The following ME3 variants were observed in gnomAD, a reference collection of about 807,000 sequenced individuals.
ME3 encodes the protein NADP-dependent malic enzyme, mitochondrial.
In ME3, 48 loss-of-function variants were observed where a neutral mutation model predicts 68.9. The observed-to-expected ratio is 0.70, with a 90% CI of 0.55 to 0.89. The LOEUF is 0.89. Ranked by LOEUF, ME3 falls within the 40% of genes least tolerant of loss-of-function variation. ME3 has a pLI of 0.00. For missense variants in ME3, 675 were observed against 797.4 expected, an observed-to-expected ratio of 0.85 and a Z score of 1.85; for synonymous variants, 320 against 318.8, an observed-to-expected ratio of 1.00 and a Z score of -0.04.
chr11:86,438,514 C>T (rs912224727), downstream of ME3, among the ~76,000 whole-genome samples: 3 of 151,980 alleles, frequency 2.0e-5, no homozygotes, highest in African/African-American at 7.3e-5. Flanking sequence ...GTGTTCCCTC[C>T]CCTATTTTCT....
At chr11:86,457,040 CCT>C (rs1045276958) in intron 8 of ME3, among the ~76,000 whole-genome samples, 14 of 152,306 alleles carry the variant, frequency 9.2e-5, no homozygotes, top group African/African-American at 2.9e-4. Context: ...TGCTTTTCCC[CCT>C]GTTACCATCG....
intron 2 of ME3, among the ~76,000 whole-genome samples, chr11:86,561,552 T>C (rs970773586): frequency 1.3e-5 from 2 of 152,238 alleles, no homozygotes; most frequent in Non-Finnish European, 2.9e-5. Context: ...CAATGTGAAT[T>C]CATTACCACA....
chr11:86,566,711 ACT>A (rs1426562778), intron 2 of ME3, among the ~76,000 whole-genome samples: 2 of 152,126 alleles, frequency 1.3e-5, no homozygotes, highest in Non-Finnish European at 2.9e-5. Context: ...GTTACTTCAC[ACT>A]CTATTGCTTC....
At chr11:86,469,106 CA>C (rs1268985333) in intron 7 of ME3, among the ~76,000 whole-genome samples, 3 of 152,054 alleles carry the variant, frequency 2.0e-5, no homozygotes. Flanking sequence ...TTTCTTTCTC[CA>C]TTGGGAAAGA....
chr11:86,550,850 A>G (rs1956631894), intron 4 of ME3, among the ~76,000 whole-genome samples: 1 of 152,014 alleles, frequency 6.6e-6, no homozygotes. Flanking sequence ...TTTGTTTTCC[A>G]GAGTGGCTTT....
chr11:86,659,516 T>G (rs950346065), intron 2 of ME3, among the ~76,000 whole-genome samples: 2 of 152,220 alleles, frequency 1.3e-5, no homozygotes, highest in Non-Finnish European at 2.9e-5. Context: ...TAAATGCTAG[T>G]CAAGATGACC....
intron 2 of ME3, among the ~76,000 whole-genome samples, chr11:86,653,117 G>C (rs1423303164): frequency 6.6e-6 from 1 of 152,102 alleles, no homozygotes; most frequent in South Asian, 2.1e-4. Context: ...GACCTACAAA[G>C]AGACTTAGAC....
chr11:86,656,810 A>G (rs1945913923), intron 2 of ME3, among the ~76,000 whole-genome samples: 1 of 152,142 alleles, frequency 6.6e-6, no homozygotes, highest in Admixed American at 6.5e-5. Flanking sequence ...AAAGGATATG[A>G]ACAGACACTT....
downstream of ME3, among the ~76,000 whole-genome samples, chr11:86,439,055 C>T (rs980190811): frequency 7.2e-5 from 11 of 152,046 alleles, no homozygotes; most frequent in Non-Finnish European, 1.0e-4. Flanking sequence ...CAAGGGAGGG[C>T]GAATCCATTT....
chr11:86,608,974 TTATG>T (rs1471982264), intron 2 of ME3, among the ~76,000 whole-genome samples: 164 of 152,360 alleles, frequency 1.1e-3, no homozygotes, highest in Non-Finnish European at 3.1e-4. Context: ...GATTGAGCTC[TTATG>T]TGTCAGGCAC....
chr11:86,505,063 G>T (rs371356499), intron 5 of ME3, among the ~76,000 whole-genome samples: 58 of 152,298 alleles, frequency 3.8e-4, no homozygotes, highest in African/African-American at 1.3e-3. Flanking sequence ...CCCAGTGACT[G>T]TGGGAACAGA....
intron 2 of ME3, among the ~76,000 whole-genome samples, chr11:86,598,884 G>A: frequency 6.6e-6 from 1 of 152,236 alleles, no homozygotes; most frequent in East Asian, 1.9e-4. Context: ...ACCTGCAGGT[G>A]AGGGTCCTGT....
At chr11:86,455,039 A>T (rs1024364068) in intron 8 of ME3, among the ~76,000 whole-genome samples, 1 of 152,252 alleles carries the variant, frequency 6.6e-6, no homozygotes, top group Admixed American at 6.5e-5. Context: ...TACTTCTCAG[A>T]AGATGGGGTG....
intron 6 of ME3, among the ~76,000 whole-genome samples, chr11:86,497,062 A>G (rs374251899): frequency 6.0e-4 from 91 of 151,102 alleles, no homozygotes; most frequent in Middle Eastern, 3.4e-3. Context: ...GCTCACTGCA[A>G]CCTCTGCCTC....
chr11:86,540,830 A>G (rs1198206111), intron 4 of ME3, among the ~76,000 whole-genome samples: 1 of 152,186 alleles, frequency 6.6e-6, no homozygotes, highest in South Asian at 2.1e-4. Context: ...CTCTTAAGCC[A>G]CTACTGAAGT....
intron 4 of ME3, among the ~76,000 whole-genome samples, chr11:86,539,894 G>C (rs1267394468): frequency 2.0e-5 from 3 of 152,188 alleles, no homozygotes; most frequent in Non-Finnish European, 4.4e-5. Flanking sequence ...ACTAAAGATA[G>C]CTGATGAGCT....
intron 4 of ME3, among the ~76,000 whole-genome samples, chr11:86,541,855 T>TG (rs987236960): frequency 4.6e-5 from 7 of 152,058 alleles, no homozygotes; most frequent in Non-Finnish European, 8.8e-5. Context: ...CTGACTAGGG[T>TG]GGGGGACACC....
intron 4 of ME3, among the ~76,000 whole-genome samples, chr11:86,526,467 G>A (rs1954755004): frequency 1.3e-5 from 2 of 152,200 alleles, no homozygotes; most frequent in African/African-American, 4.8e-5. Context: ...ACAAAAGGCA[G>A]CAGAAACCTC....
chr11:86,587,185 C>G (rs1039722944), intron 2 of ME3, among the ~76,000 whole-genome samples: 1 of 152,180 alleles, frequency 6.6e-6, no homozygotes, highest in African/African-American at 2.4e-5. Context: ...GAAGAATCAG[C>G]AGGCACAAAG....
Sources: allele counts gnomAD v4.1 joint callset (sites outside exome capture counted in the v4.1 genomes callset), GRCh38; gene constraint gnomAD v4.1.1; transcripts MANE v1.5; gene names NCBI Gene and HGNC (gene_info 2026-07-23, HGNC 2026-07-21).